The following NR2C2 variants were observed in gnomAD, a reference collection of about 807,000 sequenced individuals.
The protein encoded by NR2C2 is Nuclear hormone receptor TR4.
Under a neutral mutation model 62.9 loss-of-function variants are expected in NR2C2, and 6 were observed. That is an observed-to-expected ratio of 0.10 (90% CI 0.05 to 0.19). NR2C2 has a LOEUF of 0.19. NR2C2 is among the 10% of genes least tolerant of loss of function. The pLI, the probability that NR2C2 is intolerant of heterozygous loss-of-function variation, is 1.00. For synonymous variants in NR2C2, 272 were observed against 273.8 expected (o/e 0.99, Z 0.07); for missense variants, 479 against 762.7 (o/e 0.63, Z 4.38).
intron 1 of NR2C2, among the ~76,000 whole-genome samples, chr3:15,002,615 A>G (rs2041042141): frequency 6.8e-6 from 1 of 146,638 alleles, no homozygotes; most frequent in African/African-American, 2.5e-5. Context: ...TAATTTTAGG[A>G]AGAGTTTTTT....
chr3:14,958,097 C>T (rs867273261), intron 1 of NR2C2, among the ~76,000 whole-genome samples: 3 of 152,216 alleles, frequency 2.0e-5, no homozygotes, highest in Non-Finnish European at 4.4e-5. Flanking sequence ...CATTGGTTCT[C>T]ACAGGCAGAG....
At chr3:15,003,601 C>T (rs373039560) in intron 1 of NR2C2, among the ~76,000 whole-genome samples, 4 of 152,294 alleles carry the variant, frequency 2.6e-5, no homozygotes, top group African/African-American at 9.6e-5. Flanking sequence ...TAGGTTTTTA[C>T]TTTATTAAAG....
At chr3:14,963,989 T>G (rs1034154540) in intron 1 of NR2C2, among the ~76,000 whole-genome samples, 2 of 152,192 alleles carry the variant, frequency 1.3e-5, no homozygotes, top group Non-Finnish European at 2.9e-5. Flanking sequence ...GACAAATATT[T>G]TATTATTATA....
chr3:14,985,030 CTAA>C (rs1396055578), intron 1 of NR2C2, among the ~76,000 whole-genome samples: 1 of 152,088 alleles, frequency 6.6e-6, no homozygotes, highest in African/African-American at 2.4e-5. Context: ...TCTCTGATGA[CTAA>C]TAATGTTGAA....
intron 1 of NR2C2, among the ~76,000 whole-genome samples, chr3:14,984,524 C>T (rs937343379): frequency 5.9e-5 from 9 of 151,490 alleles, no homozygotes; most frequent in African/African-American, 2.2e-4. Flanking sequence ...GATGGATTTG[C>T]GTTTTCTAGA....
chr3:14,970,211 C>T (rs1432822587), intron 1 of NR2C2, among the ~76,000 whole-genome samples: 1 of 124,344 alleles, frequency 8.0e-6, no homozygotes, highest in Non-Finnish European at 1.5e-5. Context: ...GTCCTTACCC[C>T]ACTATTTCTA....
chr3:14,974,274 A>C (rs1447865102), intron 1 of NR2C2, among the ~76,000 whole-genome samples: 2 of 152,152 alleles, frequency 1.3e-5, no homozygotes. Context: ...CCAGTACCAC[A>C]TTGTTTGGAT....
intron 1 of NR2C2, among the ~76,000 whole-genome samples, chr3:14,980,890 A>G (rs1344361258): frequency 2.6e-5 from 4 of 152,192 alleles, no homozygotes; most frequent in African/African-American, 9.7e-5. Flanking sequence ...TTGAATAGGC[A>G]TCATGTGTGA....
At chr3:15,011,955 ATAT>A (rs1397488114) in intron 2 of NR2C2, among the ~76,000 whole-genome samples, 3 of 152,024 alleles carry the variant, frequency 2.0e-5, no homozygotes, top group Non-Finnish European at 4.4e-5. Flanking sequence ...ACACTGACTG[ATAT>A]TATTTATTCA....
At chr3:15,020,722 A>C in intron 4 of NR2C2, 31 bp from the exon 5 acceptor site, 1 of 1,608,220 alleles carries the variant, frequency 6.2e-7, no homozygotes. Context: ...TATAGTCACA[A>C]AATATTTGTG....
At chr3:14,996,082 A>G (rs2040825085) in intron 1 of NR2C2, among the ~76,000 whole-genome samples, 1 of 152,212 alleles carries the variant, frequency 6.6e-6, no homozygotes, top group Non-Finnish European at 1.5e-5. Context: ...CCCTTATCAA[A>G]TGTGATTTGA....
intron 1 of NR2C2, among the ~76,000 whole-genome samples, chr3:14,956,447 G>T (rs953449416): frequency 6.6e-6 from 1 of 152,170 alleles, no homozygotes; most frequent in Non-Finnish European, 1.5e-5. Flanking sequence ...TTAAATATTT[G>T]TAAGATTTTG....
chr3:14,969,143 A>G (rs2039956821), intron 1 of NR2C2, among the ~76,000 whole-genome samples: 2 of 152,136 alleles, frequency 1.3e-5, no homozygotes, highest in South Asian at 4.1e-4. Flanking sequence ...TAGTAATAAT[A>G]AATTAAAAAA....
In NR2C2 at chr3:14,953,894, C is replaced by CAA. The variant is rs538255184; in HGVS notation, c.-40+6004_-40+6005dup. On this transcript the variant is annotated intron_variant, in intron 1 of 13. Transcript: ENST00000425241. ...TGGGCGACAGTGCGAGACTTCATCT[C>CAA]AAAAAAAAAAAAAAAAACAACTGAG... Among the ~76,000 whole-genome samples, 79 of 74,244 alleles carry CAA rather than the reference C, an allele frequency of 1.1e-3. 1 individual carries two copies. The highest frequency in any genetic ancestry group is 2.7e-3 in the South Asian group (6 of 2,190). 48.7% of individuals were successfully genotyped at this position (74,244 alleles called of 152,430 possible). A position where few individuals can be genotyped will look rare whatever the true frequency, so the allele number is the denominator to read the frequency against.
At chr3:15,023,385 C>T in intron 6 of NR2C2, 38 bp downstream of exon 6, 1 of 1,609,426 alleles carries the variant, frequency 6.2e-7, no homozygotes. Flanking sequence ...GCCTTTGCAG[C>T]TGATGGAGGA....
intron 9 of NR2C2, among the ~76,000 whole-genome samples, chr3:15,031,023 G>C (rs1021989332): frequency 1.3e-5 from 2 of 152,160 alleles, no homozygotes; most frequent in African/African-American, 4.8e-5. Flanking sequence ...TCATTACTAA[G>C]ACAGGCTGAC....
intron 1 of NR2C2, among the ~76,000 whole-genome samples, chr3:14,983,493 A>G (rs1032167492): frequency 3.3e-5 from 5 of 150,668 alleles, no homozygotes; most frequent in African/African-American, 7.4e-5. Flanking sequence ...ACACACACAC[A>G]CATTCTTAGT....
intron 1 of NR2C2, among the ~76,000 whole-genome samples, chr3:14,954,217 G>A (rs2039454659): frequency 6.6e-6 from 1 of 151,920 alleles, no homozygotes; most frequent in Admixed American, 6.6e-5. Context: ...TAACTGGAAA[G>A]GCTAATAATT....
chr3:15,032,627 G>A, intron 10 of NR2C2, 127 bp downstream of exon 10: 14 of 1,117,416 alleles, frequency 1.3e-5, no homozygotes, highest in Non-Finnish European at 1.8e-5. Flanking sequence ...AGGACCCTGA[G>A]TTTTTTATTA....
Sources: allele counts gnomAD v4.1 joint callset (sites outside exome capture counted in the v4.1 genomes callset), GRCh38; gene constraint gnomAD v4.1.1; transcripts MANE v1.5; gene names NCBI Gene and HGNC (gene_info 2026-07-23, HGNC 2026-07-21).